The following ZHX2 variants were observed in gnomAD, a reference collection of about 807,000 sequenced individuals.
ZHX2 encodes zinc fingers and homeoboxes 2, also known as zinc fingers and homeoboxes protein 2.
A neutral mutation model predicts 21.9 loss-of-function variants in ZHX2; 6 were observed. That is an observed-to-expected ratio of 0.27 (90% CI 0.15 to 0.54). The LOEUF is 0.54. Ranked by LOEUF, ZHX2 falls within the 20% of genes least tolerant of loss-of-function variation. ZHX2 has a pLI of 0.95. For synonymous variants in ZHX2, 434 were observed against 437.1 expected, an observed-to-expected ratio of 0.99 and a Z score of 0.09; for missense variants, 908 against 1,090.7, an observed-to-expected ratio of 0.83 and a Z score of 2.36.
chr8:122,941,927 T>G (rs1231500964), intron 2 of ZHX2, among the ~76,000 whole-genome samples: 1 of 152,226 alleles, frequency 6.6e-6, no homozygotes, highest in Non-Finnish European at 1.5e-5. Context: ...TGTGATGGTT[T>G]GGGAGCCACA....
rs568277846 is a variant in ZHX2 at position 122,789,204 on chromosome 8, A to G, written c.-283+7258A>G. ...TGTTTTTATACAATAAAAGAGGATCATTGTAATTGGGAGCCTTTGAATCAT... is the reference window on the plus strand; with the variant it reads ...TGTTTTTATACAATAAAAGAGGATCGTTGTAATTGGGAGCCTTTGAATCAT... On this transcript the variant is annotated intron_variant, in intron 1 of 3. Transcript: ENST00000314393. Among the ~76,000 whole-genome samples, 7 of 152,342 alleles carry G rather than the reference A, an allele frequency of 4.6e-5. No homozygotes were observed. In the South Asian group the frequency reaches 1.5e-3, roughly 32 times the overall value.
chr8:122,801,554 G>T (rs1435983599), intron 1 of ZHX2, among the ~76,000 whole-genome samples: 1 of 148,274 alleles, frequency 6.7e-6, no homozygotes, highest in African/African-American at 2.5e-5. Context: ...TTTGAGACTA[G>T]CCTGGGCAAC....
intron 1 of ZHX2, among the ~76,000 whole-genome samples, chr8:122,784,919 C>T (rs566695045): frequency 2.0e-5 from 3 of 152,224 alleles, no homozygotes; most frequent in Non-Finnish European, 4.4e-5. Flanking sequence ...TATGGAAATG[C>T]TGGGGAGACA....
At chr8:122,956,332 C>A (rs1813301758) in intron 3 of ZHX2, among the ~76,000 whole-genome samples, 1 of 152,194 alleles carries the variant, frequency 6.6e-6, no homozygotes, top group South Asian at 2.1e-4. Flanking sequence ...AACACAGTAC[C>A]CATTCACTGT....
chr8:122,902,951 AGC>A (rs1356877578), intron 2 of ZHX2, among the ~76,000 whole-genome samples: 2 of 152,130 alleles, frequency 1.3e-5, no homozygotes, highest in Non-Finnish European at 2.9e-5. Context: ...CTCCTGGGTG[AGC>A]ACAGAATCCA....
rs1438795274 is a variant in ZHX2 at position 122,953,855 on chromosome 8, G to A, written c.2345G>A (p.Ser782Asn). 2 of 1,614,232 alleles carry A rather than the reference G, an allele frequency of 1.2e-6. No individual in the cohort carries two copies. Among genetic ancestry groups the A allele is most frequent in the Middle Eastern group, 1.6e-4 (1 of 6,062 alleles). The change falls in exon 3 of 4, where the codon AGC (serine) becomes AAC (asparagine). Residue 782 changes from serine to asparagine, a missense_variant. Physicochemically the swap from Ser to Asn is conservative, Grantham distance 46. Coordinates refer to ENST00000314393, the MANE Select transcript of ZHX2 (RefSeq NM_014943.5). The surrounding 1 kb of genome is among the most constrained non-coding windows in gnomAD (Gnocchi z 4.6). ...SEGSSRDGQG[S>N]DENEESSVVD... is the part of the protein sequence containing the mutation. The stretch of plus-strand genomic sequence containing the variant: ...GGCAGCAGCCGGGACGGCCAGGGTA[G>A]CGACGAGAACGAGGAGTCGAGCGTT...
chr8:122,829,965 T>C (rs758661102), intron 1 of ZHX2, among the ~76,000 whole-genome samples: 13 of 152,084 alleles, frequency 8.5e-5, no homozygotes, highest in Non-Finnish European at 1.5e-4. Flanking sequence ...GACGGAAGCA[T>C]GTTAAGTTTT....
intron 2 of ZHX2, among the ~76,000 whole-genome samples, chr8:122,891,248 T>C (rs554660540): frequency 6.6e-6 from 1 of 151,624 alleles, no homozygotes; most frequent in Admixed American, 6.6e-5. Flanking sequence ...TTTCTATTTC[T>C]TCCTGGTTCA....
chr8:122,786,809 C>T lies in ZHX2; in HGVS notation c.-283+4863C>T, dbSNP rs369240017. The stretch of plus-strand genomic sequence containing the variant: ...CGTACGGTACCAGCACATGAGGTAC[C>T]GTAATGTGCTGTGTCATAGCCACAT... On this transcript the variant is annotated intron_variant, in intron 1 of 3. Coordinates refer to ENST00000314393, the MANE Select transcript of ZHX2 (RefSeq NM_014943.5). 3.3e-5 allele frequency among the ~76,000 whole-genome samples: 5 copies of T among 151,928 alleles called. No individual in the cohort carries two copies. In the East Asian group the frequency reaches 5.8e-4, roughly 18 times the overall value.
chr8:122,792,945 G>C (rs529851442), intron 1 of ZHX2, among the ~76,000 whole-genome samples: 101 of 152,264 alleles, frequency 6.6e-4, no homozygotes, highest in African/African-American at 2.3e-3. Context: ...AGTGTATAGG[G>C]CACTGTGCTC....
chr8:122,902,293 A>G (rs1397009071), intron 2 of ZHX2, among the ~76,000 whole-genome samples: 1 of 152,218 alleles, frequency 6.6e-6, no homozygotes, highest in Non-Finnish European at 1.5e-5. Flanking sequence ...GCTGAGATCT[A>G]TTAGAAAAAG....
At chr8:122,844,977 C>T (rs1009769576) in intron 1 of ZHX2, among the ~76,000 whole-genome samples, 5 of 151,564 alleles carry the variant, frequency 3.3e-5, no homozygotes, top group African/African-American at 1.2e-4. Context: ...TTGCCTAATA[C>T]CCCCTGCCCA....
intron 2 of ZHX2, among the ~76,000 whole-genome samples, chr8:122,900,225 C>G (rs1449468085): frequency 1.3e-5 from 2 of 151,890 alleles, no homozygotes; most frequent in African/African-American, 4.9e-5. Flanking sequence ...GCAGGCTGTA[C>G]AAGAAGCGTG....
At chr8:122,929,464 A>G (rs1436710734) in intron 2 of ZHX2, among the ~76,000 whole-genome samples, 1 of 152,084 alleles carries the variant, frequency 6.6e-6, no homozygotes, top group Non-Finnish European at 1.5e-5. Context: ...CCAACATGGT[A>G]AAACCCTGTG....
At chr8:122,909,561 T>C (rs1362012279) in intron 2 of ZHX2, among the ~76,000 whole-genome samples, 2 of 152,166 alleles carry the variant, frequency 1.3e-5, no homozygotes, top group African/African-American at 4.8e-5. Context: ...AACACTCTTA[T>C]TCACTCGCCT....
chr8:122,943,979 G>C (rs1421799681), intron 2 of ZHX2, among the ~76,000 whole-genome samples: 2 of 152,068 alleles, frequency 1.3e-5, no homozygotes, highest in Non-Finnish European at 2.9e-5. Context: ...TCACACCCCT[G>C]CCCCTTACCC....
intron 1 of ZHX2, among the ~76,000 whole-genome samples, chr8:122,842,375 C>G (rs945262981): frequency 2.0e-5 from 3 of 152,226 alleles, no homozygotes; most frequent in African/African-American, 4.8e-5. Flanking sequence ...ACAAACTGAA[C>G]CGCTAGTTCA....
intron 2 of ZHX2, among the ~76,000 whole-genome samples, chr8:122,949,513 A>C (rs565055899): frequency 6.6e-6 from 1 of 152,228 alleles, no homozygotes; most frequent in South Asian, 2.1e-4. Context: ...AAAACAATCC[A>C]ACCTTATTGT....
intron 2 of ZHX2, among the ~76,000 whole-genome samples, chr8:122,896,176 G>C (rs1005597237): frequency 1.3e-5 from 2 of 151,372 alleles, no homozygotes; most frequent in African/African-American, 4.9e-5. Flanking sequence ...TTGCTCTTCT[G>C]TTCTCCCTGG....
Sources: allele counts gnomAD v4.1 joint callset (sites outside exome capture counted in the v4.1 genomes callset), GRCh38; gene constraint gnomAD v4.1.1; non-coding constraint Gnocchi (gnomAD v3.1); transcripts MANE v1.5; gene names NCBI Gene and HGNC (gene_info 2026-07-23, HGNC 2026-07-21).